MAST4: variants seen among roughly 807,000 people sequenced by gnomAD.
The protein encoded by MAST4 is microtubule associated serine/threonine kinase family member 4, also known as microtubule-associated serine/threonine-protein kinase 4.
MAST4 carries 89 observed loss-of-function variants against 162.7 expected under a neutral mutation model. The ratio of observed to expected loss-of-function variants is 0.55; its 90% CI spans 0.46 to 0.65. MAST4 has a LOEUF of 0.65. MAST4 is among the 30% of genes least tolerant of loss of function. The pLI is 0.00. For synonymous variants in MAST4, 1,479 were observed against 1,361.1 expected (o/e 1.09, Z -1.91); for missense variants, 3,153 against 3,374.0 (o/e 0.93, Z 1.62).
chr5:66,823,370 T>A (rs1018933956), intron 3 of MAST4, among the ~76,000 whole-genome samples: 14 of 152,222 alleles, frequency 9.2e-5, no homozygotes, highest in Non-Finnish European at 1.9e-4. Flanking sequence ...TCCTCATCTG[T>A]GAAATGGGGA....
At chr5:66,819,066 T>TA (rs1756868253) in intron 3 of MAST4, among the ~76,000 whole-genome samples, 1 of 152,212 alleles carries the variant, frequency 6.6e-6, no homozygotes. Flanking sequence ...TGTGATGTGA[T>TA]AGAGTCTCAG....
intron 4 of MAST4, among the ~76,000 whole-genome samples, chr5:67,049,078 T>TATATATAC (rs1381641749): frequency 2.2e-5 from 3 of 138,784 alleles, no homozygotes; most frequent in South Asian, 2.3e-4. Flanking sequence ...TATATATATA[T>TATATATAC]ACACTACCAT....
intron 1 of MAST4, among the ~76,000 whole-genome samples, chr5:66,738,703 G>A (rs986897479): frequency 6.6e-6 from 1 of 152,166 alleles, no homozygotes; most frequent in Admixed American, 6.5e-5. Flanking sequence ...CCCTCCTCCC[G>A]GTTGAAAGTG....
At chr5:67,090,840 G>C (rs923379769) in intron 6 of MAST4, among the ~76,000 whole-genome samples, 2 of 151,828 alleles carry the variant, frequency 1.3e-5, no homozygotes, top group Non-Finnish European at 2.9e-5. Context: ...AGAGGAGTGT[G>C]CACAGTCATC....
intron 1 of MAST4, among the ~76,000 whole-genome samples, chr5:66,669,259 A>G (rs1747460185): frequency 6.6e-6 from 1 of 152,152 alleles, no homozygotes; most frequent in African/African-American, 2.4e-5. Context: ...TGCTGCTTGA[A>G]GACTCAACAA....
At chr5:66,638,852 G>T (rs1745295921) in intron 1 of MAST4, among the ~76,000 whole-genome samples, 1 of 152,164 alleles carries the variant, frequency 6.6e-6, no homozygotes, top group African/African-American at 2.4e-5. Flanking sequence ...AAGTTTCAAG[G>T]ATGATGCTTG....
intron 5 of MAST4, among the ~76,000 whole-genome samples, chr5:67,078,938 ATATATATATATATG>A (rs1334453579): frequency 2.2e-4 from 21 of 94,386 alleles, no homozygotes; most frequent in African/African-American, 7.7e-4. Flanking sequence ...ATATATATAT[ATATATATATATATG>A]GCAATCTGAT....
intron 6 of MAST4, among the ~76,000 whole-genome samples, chr5:67,091,681 T>G (rs573814189): frequency 6.6e-6 from 1 of 152,290 alleles, no homozygotes; most frequent in East Asian, 1.9e-4. Context: ...TGGAGTGCAT[T>G]TAAACATGAC....
At chr5:67,086,617 C>G (rs1358335202) in intron 5 of MAST4, among the ~76,000 whole-genome samples, 1 of 152,208 alleles carries the variant, frequency 6.6e-6, no homozygotes, top group Non-Finnish European at 1.5e-5. Flanking sequence ...TCCTAGCACT[C>G]AAACATCCAA....
intron 4 of MAST4, among the ~76,000 whole-genome samples, chr5:66,950,699 C>T (rs1033908098): frequency 7.2e-5 from 11 of 152,112 alleles, no homozygotes; most frequent in Admixed American, 3.9e-4. Flanking sequence ...TTAATCGAAG[C>T]CTGGCTTGCT....
At chr5:66,932,191 T>C (rs574756100) in intron 4 of MAST4, among the ~76,000 whole-genome samples, 1 of 152,324 alleles carries the variant, frequency 6.6e-6, no homozygotes, top group South Asian at 2.1e-4. Flanking sequence ...GTCACCGTTA[T>C]CAGAAACATG....
chr5:66,662,172 A>G (rs1746956038), intron 1 of MAST4, among the ~76,000 whole-genome samples: 1 of 152,078 alleles, frequency 6.6e-6, no homozygotes, highest in African/African-American at 2.4e-5. Flanking sequence ...ATAGAGCTTG[A>G]AATATAGAGT....
chr5:66,960,236 C>T (rs1039716561), intron 4 of MAST4, among the ~76,000 whole-genome samples: 18 of 152,280 alleles, frequency 1.2e-4, no homozygotes, highest in African/African-American at 4.1e-4. Context: ...TATTATTCCT[C>T]TTGAATTTTG....
At chr5:66,940,734 C>T (rs537659488) in intron 4 of MAST4, among the ~76,000 whole-genome samples, 1 of 152,246 alleles carries the variant, frequency 6.6e-6, no homozygotes, top group South Asian at 2.1e-4. Context: ...TTCCACACTT[C>T]TGTTTAGGTT....
intron 4 of MAST4, among the ~76,000 whole-genome samples, chr5:66,984,284 C>T (rs888853701): frequency 6.6e-6 from 1 of 152,054 alleles, no homozygotes; most frequent in Non-Finnish European, 1.5e-5. Flanking sequence ...CAAAAGCCTC[C>T]CAAGTAAAGA....
chr5:67,165,153 A>C lies in MAST4; in HGVS notation c.5974A>C (p.Thr1992Pro), dbSNP rs778792349. The C allele has an allele frequency of 6.3e-7, 1 of 1,597,146 alleles. No homozygotes were observed. The highest frequency in any genetic ancestry group is 8.5e-7 in the Non-Finnish European group (1 of 1,171,664). ...RSERSAARAD[T>P]CREPSMELCF... ...CGAGCGCTCTGCTGCGAGGGCTGAC[A>C]CATGCAGAGAGCCCTCCATGGAACT... Residue 1992 changes from threonine to proline, a missense_variant, in exon 29 of 29, where the codon ACA (threonine) becomes CCA (proline). Coordinates refer to ENST00000403625, the MANE Select transcript of MAST4 (RefSeq NM_001164664.2).
At chr5:66,878,363 A>G (rs1308977695) in intron 3 of MAST4, among the ~76,000 whole-genome samples, 6 of 152,244 alleles carry the variant, frequency 3.9e-5, no homozygotes, top group Non-Finnish European at 2.9e-5. Context: ...GTGTCCAGAA[A>G]AAGTATCATG....
rs145000155 is a variant in MAST4 at position 66,904,032 on chromosome 5, C to G, written c.674+4050C>G. 1.7e-3 allele frequency among the ~76,000 whole-genome samples: 264 copies of G among 152,328 alleles called. 1 individual carries two copies. Among genetic ancestry groups the G allele is most frequent in the African/African-American group, 5.8e-3 (242 of 41,582 alleles). On this transcript the variant is annotated intron_variant, in intron 4 of 28. Coordinates refer to ENST00000403625, the MANE Select transcript of MAST4 (RefSeq NM_001164664.2). ...TGCATGTTGTTTGATTTAGATTTTT[C>G]TAATAACGAATTTGTACTGTCTGTA...
intron 3 of MAST4, among the ~76,000 whole-genome samples, chr5:66,832,942 C>T (rs2149763074): frequency 6.6e-6 from 1 of 152,238 alleles, no homozygotes; most frequent in Admixed American, 6.5e-5. Context: ...GTTTATTAGA[C>T]AAATCAATGC....
Sources: gnomAD v4.1 joint callset for allele counts (sites outside exome capture counted in the v4.1 genomes callset) on GRCh38, gnomAD v4.1.1 for gene constraint, MANE v1.5 for transcripts, NCBI Gene and HGNC (gene_info 2026-07-23, HGNC 2026-07-21) for gene names.